KIAA0319: variants seen among roughly 807,000 people sequenced by gnomAD.
The protein encoded by KIAA0319 is dyslexia-associated protein KIAA0319.
In KIAA0319, 83 loss-of-function variants were observed where a neutral mutation model predicts 108.4. The ratio of observed to expected loss-of-function variants is 0.77; its 90% CI spans 0.64 to 0.92. KIAA0319 has a LOEUF of 0.92. Among genes scored for constraint, KIAA0319 ranks in the 40% least tolerant of loss-of-function variants. The pLI is 0.00. For missense variants in KIAA0319, 1,195 were observed against 1,322.4 expected (o/e 0.90, Z 1.49); for synonymous variants, 484 against 510.4 (o/e 0.95, Z 0.70).
intron 16 of KIAA0319, among the ~76,000 whole-genome samples, chr6:24,559,974 TG>T (rs1319186483): frequency 3.9e-5 from 6 of 152,216 alleles, no homozygotes; most frequent in Non-Finnish European, 5.9e-5. Context: ...CTTCTGTGTG[TG>T]GCTTCTTTCA....
At chr6:24,627,782 C>G (rs1439156802) in intron 1 of KIAA0319, among the ~76,000 whole-genome samples, 1 of 152,210 alleles carries the variant, frequency 6.6e-6, no homozygotes, top group Non-Finnish European at 1.5e-5. Context: ...ACATTATGGT[C>G]TTAAAAGTAC....
intron 8 of KIAA0319, among the ~76,000 whole-genome samples, chr6:24,578,711 T>G (rs1157659575): frequency 6.6e-6 from 1 of 152,226 alleles, no homozygotes; most frequent in Non-Finnish European, 1.5e-5. Context: ...CAGCCTTACA[T>G]GAAAATCTTC....
At chr6:24,615,493 A>T (rs111769679) in intron 1 of KIAA0319, among the ~76,000 whole-genome samples, 5 of 152,144 alleles carry the variant, frequency 3.3e-5, no homozygotes, top group Admixed American at 1.3e-4. Flanking sequence ...TTATGTGTGG[A>T]GGGGAAGAAA....
At chr6:24,608,788 G>T (rs997470106) in intron 1 of KIAA0319, among the ~76,000 whole-genome samples, 1 of 151,760 alleles carries the variant, frequency 6.6e-6, no homozygotes, top group Non-Finnish European at 1.5e-5. Flanking sequence ...AAAATTAGTC[G>T]GGCATGGTGG....
At chr6:24,622,564 A>C (rs1197887688) in intron 1 of KIAA0319, among the ~76,000 whole-genome samples, 1 of 152,158 alleles carries the variant, frequency 6.6e-6, no homozygotes, top group Non-Finnish European at 1.5e-5. Context: ...TAAAATTAAA[A>C]CCTCAGTGAA....
intron 1 of KIAA0319, among the ~76,000 whole-genome samples, chr6:24,617,181 CTAA>C (rs916265576): frequency 1.7e-4 from 25 of 151,140 alleles, no homozygotes; most frequent in Admixed American, 4.0e-4. Flanking sequence ...TAAAAAAATA[CTAA>C]TAATAATAAA....
intron 1 of KIAA0319, among the ~76,000 whole-genome samples, chr6:24,633,996 T>C (rs1440587699): frequency 6.6e-6 from 1 of 152,126 alleles, no homozygotes; most frequent in Non-Finnish European, 1.5e-5. Flanking sequence ...AAATACAATA[T>C]TAGTTTCAAA....
In KIAA0319 at chr6:24,572,058, A is replaced by G. The variant is rs376740357; in HGVS notation, c.1858+517T>C. Among the ~76,000 whole-genome samples the G allele has an allele frequency of 7.2e-5, 11 of 152,380 alleles. No homozygotes were observed. In the East Asian group the frequency reaches 2.1e-3, roughly 29 times the overall value. On this transcript the variant is annotated intron_variant, in intron 11 of 20. Coordinates refer to ENST00000378214, the MANE Select transcript of KIAA0319 (RefSeq NM_014809.4). ...TTGTCTATAGGTTGAGTATAATCTC[A>G]TTGCCAGGAACTGGATAGAGGTTCT... is the stretch of plus-strand genomic sequence containing the variant.
At chr6:24,553,276 T>TAG (rs1323484747) in intron 19 of KIAA0319, among the ~76,000 whole-genome samples, 62 of 73,690 alleles carry the variant, frequency 8.4e-4, no homozygotes, top group South Asian at 2.8e-3. Flanking sequence ...GTGAGATAGA[T>TAG]ATATATATAT....
chr6:24,595,557 A>AAAAAC (rs1769375093), intron 3 of KIAA0319, among the ~76,000 whole-genome samples: 1 of 148,756 alleles, frequency 6.7e-6, no homozygotes, highest in Non-Finnish European at 1.5e-5. Flanking sequence ...AAAAAAAAAA[A>AAAAAC]AAAAAAAAAA....
intron 16 of KIAA0319, 132 bp downstream of exon 16, chr6:24,563,227 A>T: frequency 1.0e-6 from 1 of 995,274 alleles, no homozygotes; most frequent in Non-Finnish European, 1.4e-6. Context: ...GAAAAAAAGT[A>T]TATGAATGGG....
intron 1 of KIAA0319, among the ~76,000 whole-genome samples, chr6:24,624,547 A>G (rs1436559867): frequency 1.3e-5 from 2 of 152,170 alleles, no homozygotes; most frequent in Non-Finnish European, 2.9e-5. Context: ...TGTAATGCAG[A>G]AGAAGGAAAA....
intron 1 of KIAA0319, among the ~76,000 whole-genome samples, chr6:24,631,209 C>G (rs770628499): frequency 6.6e-6 from 1 of 152,230 alleles, no homozygotes; most frequent in African/African-American, 2.4e-5. Context: ...TTCCTCTTTC[C>G]TTGCCGTATC....
chr6:24,630,700 T>C (rs1223339986), intron 1 of KIAA0319, among the ~76,000 whole-genome samples: 1 of 70,004 alleles, frequency 1.4e-5, no homozygotes. Context: ...TATATATATA[T>C]ATACACATAT....
chr6:24,609,582 C>CAACA (rs1248943601), intron 1 of KIAA0319, among the ~76,000 whole-genome samples: 5 of 151,694 alleles, frequency 3.3e-5, no homozygotes, highest in Admixed American at 1.3e-4. Context: ...GTCTCAAAAC[C>CAACA]AACAAACAAA....
At chr6:24,588,426 A>G (rs182405017) in intron 4 of KIAA0319, among the ~76,000 whole-genome samples, 167 bp downstream of exon 4, 1 of 152,292 alleles carries the variant, frequency 6.6e-6, no homozygotes, top group Admixed American at 6.5e-5. Context: ...GGGAAAAGAC[A>G]ATGTCTTATT....
intron 4 of KIAA0319, among the ~76,000 whole-genome samples, chr6:24,588,359 G>A (rs910831868): frequency 2.6e-5 from 4 of 152,130 alleles, no homozygotes; most frequent in Admixed American, 6.6e-5. Context: ...TTACCATATT[G>A]TATCAGAACC....
chr6:24,614,684 ATGC>A (rs763172582), intron 1 of KIAA0319, among the ~76,000 whole-genome samples: 2 of 152,136 alleles, frequency 1.3e-5, no homozygotes, highest in Non-Finnish European at 2.9e-5. Context: ...TTCTTTCCCT[ATGC>A]TATGCTGCAT....
intron 19 of KIAA0319, among the ~76,000 whole-genome samples, chr6:24,553,236 A>G (rs921953754): frequency 8.7e-5 from 13 of 148,620 alleles, no homozygotes; most frequent in African/African-American, 2.0e-4. Flanking sequence ...TCCTTCCTCT[A>G]TTGAGACCTG....
Sources: allele counts gnomAD v4.1 joint callset (sites outside exome capture counted in the v4.1 genomes callset), GRCh38; gene constraint gnomAD v4.1.1; transcripts MANE v1.5; gene names NCBI Gene and HGNC (gene_info 2026-07-23, HGNC 2026-07-21).